Variants in PLEKHH2 observed in about 807,000 individuals in gnomAD.
PLEKHH2 encodes pleckstrin homology domain-containing family H member 2.
Under a neutral mutation model 187.9 loss-of-function variants are expected in PLEKHH2, and 129 were observed. The ratio of observed to expected loss-of-function variants is 0.69; its 90% CI spans 0.59 to 0.79. The LOEUF is 0.79. Among genes scored for constraint, PLEKHH2 ranks in the 30% least tolerant of loss-of-function variants. PLEKHH2 has a pLI of 0.00. For synonymous variants in PLEKHH2, 686 were observed against 605.6 expected (o/e 1.13, Z -1.95); for missense variants, 2,076 against 1,751.2 (o/e 1.19, Z -3.31).
chr2:43,657,701 A>G (rs780656221), intron 2 of PLEKHH2, among the ~76,000 whole-genome samples: 8 of 152,232 alleles, frequency 5.3e-5, no homozygotes, highest in Non-Finnish European at 7.3e-5. Flanking sequence ...AATTGTTTTT[A>G]TCTTTTAAGT....
Position 43,710,583 on chromosome 2 carries a change from AC to A in PLEKHH2, c.2301+9del. 5.7e-6 allele frequency: 8 copies of A among 1,411,122 alleles called. No homozygotes were observed. Among genetic ancestry groups the A allele is most frequent in the Admixed American group, 5.6e-5 (2 of 35,408 alleles). 87.4% of individuals were successfully genotyped at this position (1,411,122 alleles called of 1,614,324 possible). A position where few individuals can be genotyped will look rare whatever the true frequency, so the allele number is the denominator to read the frequency against. On this transcript the variant is annotated intron_variant, in intron 14 of 29. Coordinates refer to ENST00000282406, the MANE Select transcript of PLEKHH2 (RefSeq NM_172069.4). Reference sequence around the variant, plus strand: ...AACAAACAAACAGTTCAGGTACTTAACTTTTTTTTTTTTTTTTTTTTTTTTG... The same window carrying A: ...AACAAACAAACAGTTCAGGTACTTAATTTTTTTTTTTTTTTTTTTTTTTTG...
At chr2:43,750,480 CAAA>C (rs755499136) in intron 24 of PLEKHH2, among the ~76,000 whole-genome samples, 2 of 133,062 alleles carry the variant, frequency 1.5e-5, no homozygotes. Context: ...GACTCTGTCT[CAAA>C]AAAAAAAAAA....
intron 10 of PLEKHH2, 136 bp downstream of exon 10, chr2:43,706,552 G>A (rs987888113): frequency 2.1e-5 from 14 of 653,464 alleles, no homozygotes; most frequent in East Asian, 5.5e-5. Context: ...ACAAGTTCAC[G>A]TTAACATATC....
rs1320195017 is a variant in PLEKHH2 at position 43,743,883 on chromosome 2, T to G, written c.3449T>G (p.Leu1150Trp). 1 of 1,614,142 alleles carries G rather than the reference T, an allele frequency of 6.2e-7. No individual in the cohort carries two copies. The highest frequency in any genetic ancestry group is 2.2e-5 in the East Asian group (1 of 44,884). Residue 1150 changes from leucine (L) to tryptophan (W), a missense_variant, in exon 23 of 30, where the codon TTG (leucine) becomes TGG (tryptophan). Transcript: ENST00000282406. ...ACAGTGGAAGAATTTTTGAATACTT[T>G]GAACCAGGACACAGGAATGAGGAAA... ...STTVEEFLNT[L>W]NQDTGMRKPA...
chr2:43,675,121 C>T (rs1667675979), intron 2 of PLEKHH2: 2 of 342,874 alleles, frequency 5.8e-6, no homozygotes, highest in South Asian at 1.0e-4. Flanking sequence ...TTCTAATAGA[C>T]ACATTAATAA....
intron 2 of PLEKHH2, among the ~76,000 whole-genome samples, chr2:43,660,069 G>A (rs1296363745): frequency 6.6e-6 from 1 of 152,042 alleles, no homozygotes; most frequent in Non-Finnish European, 1.5e-5. Context: ...CTAAGCCCTG[G>A]CAATCACTGA....
chr2:43,730,305 A>G (rs1181816493), intron 18 of PLEKHH2, among the ~76,000 whole-genome samples: 2 of 152,148 alleles, frequency 1.3e-5, no homozygotes, highest in Non-Finnish European at 2.9e-5. Flanking sequence ...ATTAGTGTTT[A>G]TATATTTTAT....
intron 24 of PLEKHH2, among the ~76,000 whole-genome samples, chr2:43,752,091 G>C (rs1384959526): frequency 2.0e-5 from 3 of 152,052 alleles, no homozygotes; most frequent in Non-Finnish European, 2.9e-5. Flanking sequence ...GTAACACTTA[G>C]CTAAACTCTA....
chr2:43,765,841 C>A lies in PLEKHH2; in HGVS notation c.*243C>A, dbSNP rs571056537. ...ATAGAGTAAATGAGTAAGAATTCAT[C>A]ATTTTTTCCATCTCCCTTCTCCCTT... is the stretch of plus-strand genomic sequence containing the variant. On this transcript the variant is annotated 3_prime_UTR_variant, in exon 30 of 30. Transcript: ENST00000282406. The A allele has an allele frequency of 1.0e-4, 38 of 372,158 alleles. No individual in the cohort carries two copies. The highest frequency in any genetic ancestry group is 7.2e-4 in the Middle Eastern group (1 of 1,398). The allele number at this position is 372,158 out of a possible 1,614,324, so 23.1% of individuals were successfully genotyped here. A position where few individuals can be genotyped will look rare whatever the true frequency, so the allele number is the denominator to read the frequency against.
intron 2 of PLEKHH2, among the ~76,000 whole-genome samples, chr2:43,657,789 T>C (rs1274212279): frequency 1.3e-5 from 2 of 152,236 alleles, no homozygotes; most frequent in African/African-American, 4.8e-5. Context: ...GATCTCTAAA[T>C]GTATTCCCAG....
intron 21 of PLEKHH2, among the ~76,000 whole-genome samples, chr2:43,742,499 A>G (rs1671611268): frequency 2.0e-5 from 3 of 152,202 alleles, no homozygotes. Context: ...GCTTGTGACT[A>G]TAATAATACA....
At chr2:43,729,305 A>G (rs890010793) in intron 17 of PLEKHH2, among the ~76,000 whole-genome samples, 2 of 152,212 alleles carry the variant, frequency 1.3e-5, no homozygotes, top group South Asian at 4.1e-4. Context: ...TGGGAGCCAG[A>G]TTTTTAATTT....
rs1671755413 is a variant in PLEKHH2, at chr2:43,745,802, C to G, written c.3556-64C>G. ...TTGAAAAATTTCAGTCTGCAGCACA[C>G]TTGTCTTCAAAAAATGTTGATTTGA... is the stretch of plus-strand genomic sequence containing the variant. On this transcript the variant is annotated intron_variant, in intron 23 of 29. Coordinates refer to ENST00000282406, the MANE Select transcript of PLEKHH2 (RefSeq NM_172069.4). The G allele has an allele frequency of 2.0e-5, 25 of 1,269,638 alleles. No individual in the cohort carries two copies. The South Asian group carries it at 2.6e-4, about 13-fold the overall frequency. 78.6% of individuals were successfully genotyped at this position (1,269,638 alleles called of 1,614,324 possible). A position where few individuals can be genotyped will look rare whatever the true frequency, so the allele number is the denominator to read the frequency against.
intron 3 of PLEKHH2, among the ~76,000 whole-genome samples, chr2:43,687,771 C>T (rs571115091): frequency 2.0e-5 from 3 of 151,884 alleles, no homozygotes; most frequent in Admixed American, 2.0e-4. Flanking sequence ...TGTTTCTTGG[C>T]TGCCTGTATA....
At chr2:43,682,755 C>T (rs1203588757) in intron 3 of PLEKHH2, among the ~76,000 whole-genome samples, 1 of 152,172 alleles carries the variant, frequency 6.6e-6, no homozygotes, top group Non-Finnish European at 1.5e-5. Context: ...CCCCTGGCAA[C>T]CACCAATCTG....
chr2:43,654,583 T>TTA (rs1158577869), intron 2 of PLEKHH2, among the ~76,000 whole-genome samples: 13 of 132,860 alleles, frequency 9.8e-5, no homozygotes, highest in East Asian at 2.0e-4. Context: ...TTTTTTTTTT[T>TTA]AATGGCCAGC....
At chr2:43,654,855 C>T (rs1666672071) in intron 2 of PLEKHH2, among the ~76,000 whole-genome samples, 2 of 152,092 alleles carry the variant, frequency 1.3e-5, no homozygotes, top group Admixed American at 6.5e-5. Context: ...GGTGAAACCC[C>T]ATCTCTACTA....
chr2:43,638,405 C>T (rs1467463780), intron 1 of PLEKHH2, among the ~76,000 whole-genome samples: 1 of 152,148 alleles, frequency 6.6e-6, no homozygotes, highest in East Asian at 1.9e-4. Flanking sequence ...ATAATTCTTT[C>T]ATTTCTTTTT....
At position 43,652,973 on chromosome 2, in the gene PLEKHH2, G is replaced by A. The variant is rs984095394; in HGVS notation, c.123+8177G>A. Among the ~76,000 whole-genome samples the A allele has an allele frequency of 6.6e-5, 10 of 152,228 alleles. No individual in the cohort carries two copies. In the East Asian group the frequency reaches 1.9e-3, roughly 29 times the overall value. On this transcript the variant is annotated intron_variant, in intron 2 of 29. Coordinates refer to ENST00000282406, the MANE Select transcript of PLEKHH2 (RefSeq NM_172069.4). Reference sequence around the variant, plus strand: ...GGTAGAAAAAATGGCAAACCTAAGAGCAGGGTTGAAATATAAACTAAGGGA... The same window carrying A: ...GGTAGAAAAAATGGCAAACCTAAGAACAGGGTTGAAATATAAACTAAGGGA...
Sources: gnomAD v4.1 joint callset for allele counts (sites outside exome capture counted in the v4.1 genomes callset) on GRCh38, gnomAD v4.1.1 for gene constraint, MANE v1.5 for transcripts, NCBI Gene and HGNC (gene_info 2026-07-23, HGNC 2026-07-21) for gene names.